Variants in STK32A observed in about 807,000 individuals in gnomAD.
STK32A encodes serine/threonine-protein kinase 32A.
A neutral mutation model predicts 53.2 loss-of-function variants in STK32A; 41 were observed. The ratio of observed to expected loss-of-function variants is 0.77; its 90% CI spans 0.60 to 1.00. The LOEUF is 1.00. Ranked by LOEUF, STK32A falls within the 50% of genes least tolerant of loss-of-function variation. The pLI is 0.00. For synonymous variants in STK32A, 166 were observed against 162.8 expected, an observed-to-expected ratio of 1.02 and a Z score of -0.15; for missense variants, 458 against 485.8, an observed-to-expected ratio of 0.94 and a Z score of 0.54.
chr5:147,256,572 C>T (rs11167980), intron 2 of STK32A, among the ~76,000 whole-genome samples: 46,605 of 152,010 alleles, frequency 0.31, 7,393 homozygotes, highest in African/African-American at 0.38. Flanking sequence ...AGTGCAATGG[C>T]GCAATCTTGG....
intron 5 of STK32A, among the ~76,000 whole-genome samples, chr5:147,336,749 C>T (rs1755148216): frequency 6.6e-6 from 1 of 152,166 alleles, no homozygotes; most frequent in African/African-American, 2.4e-5. Context: ...TTCCCTCACT[C>T]GCTCTTAACA....
downstream of STK32A, among the ~76,000 whole-genome samples, chr5:147,390,119 A>G (rs926753458): frequency 2.0e-5 from 3 of 152,198 alleles, no homozygotes; most frequent in African/African-American, 7.2e-5. Context: ...AACTGGATTC[A>G]GCAGTGTTTC....
intron 5 of STK32A, among the ~76,000 whole-genome samples, chr5:147,328,034 C>T (rs1754686408): frequency 6.6e-6 from 1 of 152,162 alleles, no homozygotes; most frequent in African/African-American, 2.4e-5. Flanking sequence ...ATACAGAAAA[C>T]AGCCTAAAAC....
intron 8 of STK32A, among the ~76,000 whole-genome samples, chr5:147,366,890 T>C (rs1282315261): frequency 6.6e-6 from 1 of 152,102 alleles, no homozygotes; most frequent in Non-Finnish European, 1.5e-5. Flanking sequence ...TTTTTTTCAT[T>C]TCATAAGATA....
At chr5:147,266,424 A>T (rs1754814164) in intron 2 of STK32A, among the ~76,000 whole-genome samples, 1 of 152,194 alleles carries the variant, frequency 6.6e-6, no homozygotes, top group South Asian at 2.1e-4. Flanking sequence ...TGTTGGTAAG[A>T]CTTTTCTTAG....
intron 1 of STK32A, among the ~76,000 whole-genome samples, chr5:147,237,283 A>G (rs1753364974): frequency 6.6e-6 from 1 of 152,080 alleles, no homozygotes; most frequent in South Asian, 2.1e-4. Flanking sequence ...ACTGCACTCC[A>G]GCCTGGGCAA....
chr5:147,360,244 G>C (rs929861744), intron 7 of STK32A, among the ~76,000 whole-genome samples: 13 of 152,002 alleles, frequency 8.6e-5, no homozygotes, highest in African/African-American at 3.1e-4. Flanking sequence ...AAGCCCAGGA[G>C]TTCAAGACCA....
At chr5:147,369,917 TC>T (rs1052322689) in intron 8 of STK32A, among the ~76,000 whole-genome samples, 1 of 152,092 alleles carries the variant, frequency 6.6e-6, no homozygotes, top group African/African-American at 2.4e-5. Flanking sequence ...TGTTGGTGAG[TC>T]CCCTACAAAA....
At chr5:147,265,859 A>C (rs1754787475) in intron 2 of STK32A, among the ~76,000 whole-genome samples, 1 of 152,174 alleles carries the variant, frequency 6.6e-6, no homozygotes, top group Admixed American at 6.5e-5. Context: ...ATGACAGACA[A>C]AACATTCATC....
chr5:147,244,793 G>C (rs1753714746), intron 2 of STK32A, among the ~76,000 whole-genome samples: 1 of 152,090 alleles, frequency 6.6e-6, no homozygotes, highest in African/African-American at 2.4e-5. Flanking sequence ...GGTAATAATT[G>C]GGCATACTTC....
At chr5:147,302,357 C>G (rs926162802) in intron 4 of STK32A, among the ~76,000 whole-genome samples, 1 of 152,040 alleles carries the variant, frequency 6.6e-6, no homozygotes, top group Non-Finnish European at 1.5e-5. Flanking sequence ...GGACAAGCCC[C>G]CCAGGAAACA....
At chr5:147,266,794 G>A (rs1033915982) in intron 2 of STK32A, among the ~76,000 whole-genome samples, 2 of 152,140 alleles carry the variant, frequency 1.3e-5, no homozygotes, top group Admixed American at 6.5e-5. Context: ...GGAGGCTGAG[G>A]TGGACGGATC....
chr5:147,337,561 CA>C (rs1472350985), intron 5 of STK32A, among the ~76,000 whole-genome samples: 2 of 152,002 alleles, frequency 1.3e-5, no homozygotes, highest in African/African-American at 4.8e-5. Flanking sequence ...TTTGAGAAAC[CA>C]GGGGGCTGGG....
intron 2 of STK32A, among the ~76,000 whole-genome samples, chr5:147,261,574 GT>G (rs2151947204): frequency 6.6e-6 from 1 of 152,018 alleles, no homozygotes; most frequent in African/African-American, 2.4e-5. Flanking sequence ...ATCAAAAAAG[GT>G]TGCTTTACGA....
chr5:147,367,495 GAA>G (rs1756813364), intron 8 of STK32A, among the ~76,000 whole-genome samples: 1 of 152,164 alleles, frequency 6.6e-6, no homozygotes, highest in African/African-American at 2.4e-5. Flanking sequence ...GGCTGAGTCC[GAA>G]AAGAGAATCA....
chr5:147,314,194 G>A (rs1020780819), intron 4 of STK32A, among the ~76,000 whole-genome samples: 1 of 152,066 alleles, frequency 6.6e-6, no homozygotes, highest in Non-Finnish European at 1.5e-5. Context: ...ACTAAAGGAT[G>A]TGCATTTACA....
In STK32A at chr5:147,375,219, G is replaced by C. The variant is rs1444580364; in HGVS notation, c.1032+1G>C. On this transcript the variant is annotated splice_donor_variant, in intron 11 of 12. Coordinates refer to ENST00000397936, the MANE Select transcript of STK32A (RefSeq NM_001112724.2). LOFTEE classifies it high-confidence loss of function. ...TATGAGGAAATGCGATTCTTCTCAG[G>C]TAAGCAGGTCCCCACCAAACTCAGG... 6.2e-7 allele frequency: 1 copy of C among 1,610,170 alleles called. No homozygotes were observed. Among genetic ancestry groups the C allele is most frequent in the South Asian group, 1.1e-5 (1 of 90,032 alleles).
chr5:147,392,135 A>G (rs1301684331), downstream of STK32A: 2 of 152,206 alleles, frequency 1.3e-5, no homozygotes, highest in African/African-American at 4.8e-5. Flanking sequence ...CTCTGCACAT[A>G]AAACTGTTAT....
chr5:147,373,476 C>T (rs1232854005), intron 10 of STK32A, among the ~76,000 whole-genome samples, 182 bp downstream of exon 10: 2 of 152,164 alleles, frequency 1.3e-5, no homozygotes, highest in African/African-American at 4.8e-5. Flanking sequence ...GGTCACAAAG[C>T]TAGCAAGTAG....
Sources: gnomAD v4.1 joint callset for allele counts (sites outside exome capture counted in the v4.1 genomes callset) on GRCh38, gnomAD v4.1.1 for gene constraint, MANE v1.5 for transcripts, NCBI Gene and HGNC (gene_info 2026-07-23, HGNC 2026-07-21) for gene names.